Variants in TNFRSF11A observed in about 807,000 individuals in gnomAD.
The protein encoded by TNFRSF11A is TNF receptor superfamily member 11a.
A neutral mutation model predicts 55.7 loss-of-function variants in TNFRSF11A; 32 were observed. The ratio of observed to expected loss-of-function variants is 0.57; its 90% CI spans 0.43 to 0.77. The LOEUF (loss-of-function observed/expected upper bound fraction) is 0.77. TNFRSF11A is among the 30% of genes least tolerant of loss of function. The probability of loss-of-function intolerance (pLI) is 0.00; values close to 1 mark genes in which losing one functional copy is unlikely to be tolerated. For missense variants in TNFRSF11A, 753 were observed against 809.8 expected (o/e 0.93, Z 0.85); for synonymous variants, 311 against 331.0 (o/e 0.94, Z 0.65).
chr18:62,377,829 A>G (rs777343074), intron 9 of TNFRSF11A, among the ~76,000 whole-genome samples: 1 of 152,148 alleles, frequency 6.6e-6, no homozygotes, highest in African/African-American at 2.4e-5. Context: ...ATTTTCTTCC[A>G]GTCTGCGGCT....
intron 9 of TNFRSF11A, among the ~76,000 whole-genome samples, chr18:62,378,552 C>T (rs530878062): frequency 2.6e-5 from 4 of 152,296 alleles, no homozygotes; most frequent in South Asian, 2.1e-4. Flanking sequence ...TCCGTGAGCA[C>T]GGATATTACT....
chr18:62,349,674 T>TG, intron 2 of TNFRSF11A, 138 bp from the exon 3 acceptor site: 1 of 980,034 alleles, frequency 1.0e-6, no homozygotes. Flanking sequence ...ATATTGTCTT[T>TG]GGGGGGTGTC....
rs1410360329 is a variant in TNFRSF11A at position 62,348,137 on chromosome 18, ACT to A, written c.76-26_76-25del. On this transcript the variant is annotated intron_variant, in intron 1 of 9. Coordinates refer to ENST00000586569, the MANE Select transcript of TNFRSF11A (RefSeq NM_003839.4). ...GTTTTATCCAGAAAGAGCTGTGTGG[ACT>A]CTCTGCCTGACCTCAGTGTTCTTTT... The A allele has an allele frequency of 6.4e-6, 10 of 1,553,428 alleles. No individual in the cohort carries two copies. In the Admixed American group the frequency reaches 8.4e-5, roughly 13 times the overall value.
intron 5 of TNFRSF11A, among the ~76,000 whole-genome samples, chr18:62,358,926 T>C (rs948079232): frequency 4.6e-5 from 7 of 152,246 alleles, no homozygotes; most frequent in African/African-American, 1.7e-4. Context: ...CCCAGTCTTT[T>C]ACAGTAATAC....
At position 62,384,825 on chromosome 18, in the gene TNFRSF11A, G is replaced by T; in HGVS notation, c.1642G>T (p.Val548Leu). 1 of 1,611,916 alleles carries T rather than the reference G, an allele frequency of 6.2e-7. No homozygotes were observed. Among genetic ancestry groups the T allele is most frequent in the South Asian group, 1.1e-5 (1 of 90,322 alleles). The change falls in exon 10 of 10, where the codon GTG (valine) becomes TTG (leucine). Residue 548 changes from valine to leucine, a missense_variant. This residue lies in a region of TNFRSF11A where 567 missense variants were observed against 596.7 expected (regional missense o/e 0.95). Transcript: ENST00000586569. ...GATGAACTTCAAGGGCGACATCATC[G>T]TGGTCTACGTCAGCCAGACCTCGCA... ...QVMNFKGDII[V>L]VYVSQTSQEG...
At chr18:62,372,733 C>G (rs1239432967) in intron 9 of TNFRSF11A, among the ~76,000 whole-genome samples, 1 of 152,162 alleles carries the variant, frequency 6.6e-6, no homozygotes, top group East Asian at 1.9e-4. Context: ...CAGTGTTTAG[C>G]TTCCACTTAT....
intron 2 of TNFRSF11A, among the ~76,000 whole-genome samples, chr18:62,349,086 G>C (rs539487591): frequency 1.3e-5 from 2 of 152,236 alleles, no homozygotes; most frequent in South Asian, 4.1e-4. Context: ...AGTTCCTCTT[G>C]CCTACCCCTC....
intron 6 of TNFRSF11A, among the ~76,000 whole-genome samples, chr18:62,361,434 C>T (rs1214321710): frequency 2.0e-5 from 3 of 152,166 alleles, no homozygotes; most frequent in Middle Eastern, 3.4e-3. Context: ...GTAGAAACAC[C>T]GTAATGGCCC....
chr18:62,348,058 CAA>C (rs201661953), intron 1 of TNFRSF11A, 108 bp from the exon 2 acceptor site: 73,181 of 615,388 alleles, frequency 0.12, 6 homozygotes, highest in Non-Finnish European at 0.14. Flanking sequence ...AAACTCCATT[CAA>C]AAAAAAAAAA....
intron 1 of TNFRSF11A, among the ~76,000 whole-genome samples, chr18:62,340,264 G>A (rs2046292942): frequency 3.3e-5 from 5 of 151,862 alleles, no homozygotes. Flanking sequence ...TGTCACCCAG[G>A]CTGGAGTGCA....
chr18:62,371,771 T>A (rs1910571881), intron 9 of TNFRSF11A, among the ~76,000 whole-genome samples: 1 of 152,190 alleles, frequency 6.6e-6, no homozygotes, highest in Non-Finnish European at 1.5e-5. Flanking sequence ...TTCTCATTCT[T>A]GCTTTTTCAT....
intron 7 of TNFRSF11A, 62 bp downstream of exon 7, chr18:62,361,855 T>C (rs1018436582): frequency 6.9e-7 from 1 of 1,447,252 alleles, no homozygotes; most frequent in East Asian, 2.3e-5. Context: ...AGGTAAATGC[T>C]TTGGAAGTTG....
intron 9 of TNFRSF11A, among the ~76,000 whole-genome samples, chr18:62,378,349 T>G (rs1208189483): frequency 6.6e-6 from 1 of 152,204 alleles, no homozygotes; most frequent in African/African-American, 2.4e-5. Flanking sequence ...AATGTAGAAT[T>G]ATATAGATGA....
rs141902255 is a variant in TNFRSF11A at position 62,350,816 on chromosome 18, T to G, written c.283+879T>G. On this transcript the variant is annotated intron_variant, in intron 3 of 9. Coordinates refer to ENST00000586569, the MANE Select transcript of TNFRSF11A (RefSeq NM_003839.4). ...ATTTGAAGGAATCAGGAGCAAAATATGTCTCTTAATTCTCTTAAGAAACAG... is the reference window on the plus strand; with the variant it reads ...ATTTGAAGGAATCAGGAGCAAAATAGGTCTCTTAATTCTCTTAAGAAACAG... 6.6e-5 allele frequency among the ~76,000 whole-genome samples: 10 copies of G among 152,266 alleles called. No individual in the cohort carries two copies. In the East Asian group the frequency reaches 1.9e-3, roughly 29 times the overall value.
In TNFRSF11A at chr18:62,383,511, A is replaced by C. The variant is rs953345763; in HGVS notation, c.1568-1240A>C. ...GTGAATCGTGAGGAGCCATTTTGAC[A>C]TTCCTGGCCCCTGATCAAATGGAAG... On this transcript the variant is annotated intron_variant, in intron 9 of 9. Coordinates refer to ENST00000586569, the MANE Select transcript of TNFRSF11A (RefSeq NM_003839.4). This position sits in a 1 kb window ranked among gnomAD's most constrained non-coding sequence, Gnocchi z 4.2. 6.6e-6 allele frequency among the ~76,000 whole-genome samples: 1 copy of C among 152,122 alleles called. No homozygotes were observed. The highest frequency in any genetic ancestry group is 2.4e-5 in the African/African-American group (1 of 41,404).
At chr18:62,328,605 A>G (rs1232201728) in intron 1 of TNFRSF11A, among the ~76,000 whole-genome samples, 1 of 152,128 alleles carries the variant, frequency 6.6e-6, no homozygotes, top group Non-Finnish European at 1.5e-5. Context: ...TGGAGCGCCC[A>G]TGGGGAGACC....
At chr18:62,340,128 G>A (rs757009218) in intron 1 of TNFRSF11A, among the ~76,000 whole-genome samples, 4 of 151,898 alleles carry the variant, frequency 2.6e-5, no homozygotes, top group Non-Finnish European at 1.5e-5. Context: ...GGAGGTCGAG[G>A]CTACAGTGAG....
rs1163321062 is a variant in TNFRSF11A, at chr18:62,390,845, T to C, written c.*5811T>C. ...TACTCTGTCAGTGGAAAAATAAACA[T>C]TTTTTACATCGGGTCTATTGAGTTT... On this transcript the variant is annotated 3_prime_UTR_variant, in exon 10 of 10. Coordinates refer to ENST00000586569, the MANE Select transcript of TNFRSF11A (RefSeq NM_003839.4). 6.6e-6 allele frequency: 1 copy of C among 152,184 alleles called. No homozygotes were observed. The highest frequency in any genetic ancestry group is 1.5e-5 in the Non-Finnish European group (1 of 68,024). The allele number at this position is 152,184 out of a possible 1,614,324, so 9.4% of individuals were successfully genotyped here.
intron 1 of TNFRSF11A, among the ~76,000 whole-genome samples, chr18:62,328,050 G>A (rs138783548): frequency 4.3e-4 from 66 of 152,388 alleles, no homozygotes; most frequent in African/African-American, 1.3e-3. Flanking sequence ...GCGTGCATAC[G>A]CAGGACAACA....
Sources: gnomAD v4.1 joint callset for allele counts (sites outside exome capture counted in the v4.1 genomes callset) on GRCh38, gnomAD v4.1.1 for gene constraint, gnomAD v4.1.1 regional missense constraint, Gnocchi (gnomAD v3.1) non-coding constraint, MANE v1.5 for transcripts, NCBI Gene and HGNC (gene_info 2026-07-23, HGNC 2026-07-21) for gene names.